The following WLS variants were observed in gnomAD, a reference collection of about 807,000 sequenced individuals.
WLS encodes the protein Wnt ligand secretion mediator.
A neutral mutation model predicts 62.8 loss-of-function variants in WLS; 23 were observed. That is an observed-to-expected ratio of 0.37 (90% confidence interval 0.26 to 0.52). WLS has a LOEUF of 0.52. Among genes scored for constraint, WLS ranks in the 20% least tolerant of loss-of-function variants. The pLI is 0.92. For missense variants in WLS, 615 were observed against 697.3 expected, an observed-to-expected ratio of 0.88 and a Z score of 1.33; for synonymous variants, 246 against 244.1, an observed-to-expected ratio of 1.01 and a Z score of -0.07.
chr1:68,163,593 C>A (rs1310071605), intron 2 of WLS, among the ~76,000 whole-genome samples: 2 of 150,938 alleles, frequency 1.3e-5, no homozygotes, highest in African/African-American at 4.9e-5. Flanking sequence ...CTCCGCTACC[C>A]CGCTCTCCCC....
At chr1:68,217,059 T>C (rs2100655175) in intron 1 of WLS, among the ~76,000 whole-genome samples, 1 of 152,324 alleles carries the variant, frequency 6.6e-6, no homozygotes, top group South Asian at 2.1e-4. Context: ...AGTTCTTAAA[T>C]GCCCTTCTTT....
chr1:68,103,241 T>C (rs1458109065), intron 11 of WLS, among the ~76,000 whole-genome samples: 3 of 152,224 alleles, frequency 2.0e-5, no homozygotes, highest in Non-Finnish European at 4.4e-5. Context: ...GGGGATATGT[T>C]TAATCTGTAA....
intron 4 of WLS, 68 bp downstream of exon 4, chr1:68,155,031 T>C (rs1646876843): frequency 2.0e-6 from 3 of 1,525,406 alleles, no homozygotes; most frequent in South Asian, 1.2e-5. Flanking sequence ...AGGTGAGGCA[T>C]AGAGGTGCCA....
intron 2 of WLS, among the ~76,000 whole-genome samples, chr1:68,164,262 AT>A (rs3053539): frequency 1.6e-3 from 233 of 148,054 alleles, no homozygotes; most frequent in Middle Eastern, 3.4e-3. Context: ...AAGAGATTTC[AT>A]TTTTTTTTTT....
chr1:68,110,300 C>G (rs1217880823), intron 11 of WLS, among the ~76,000 whole-genome samples: 1 of 151,808 alleles, frequency 6.6e-6, no homozygotes, highest in Non-Finnish European at 1.5e-5. Context: ...TACTTTATGT[C>G]TATACATTGG....
Position 68,193,416 on chromosome 1 carries a change from AAAAAAAAAAAAAAAAAAAAAAAAAAACG to A in WLS, c.379+511_379+538del, listed in dbSNP as rs1329998278. Among the ~76,000 whole-genome samples, 54 of 112,654 alleles carry A rather than the reference AAAAAAAAAAAAAAAAAAAAAAAAAAACG, an allele frequency of 4.8e-4. 1 individual carries two copies. Among genetic ancestry groups the A allele is most frequent in the African/African-American group, 2.2e-3 (51 of 22,960 alleles). 73.9% of individuals were successfully genotyped at this position (112,654 alleles called of 152,430 possible). On this transcript the variant is annotated intron_variant, in intron 2 of 11. Coordinates refer to ENST00000262348, the MANE Select transcript of WLS (RefSeq NM_024911.7). ...AATAAGCTAAAAAAAAAAAAAAAAAAAAAAAAAAAAAAAAAAAAAAAAAAAACGAAAAAAAAACCTGGTTTGGTGGGGA... is the reference window on the plus strand; with the variant it reads ...AATAAGCTAAAAAAAAAAAAAAAAAAAAAAAAAAACCTGGTTTGGTGGGGA...
chr1:68,107,618 CTG>C (rs781425270), intron 11 of WLS, among the ~76,000 whole-genome samples: 2 of 152,110 alleles, frequency 1.3e-5, no homozygotes, highest in Non-Finnish European at 2.9e-5. Context: ...GTACCTCACT[CTG>C]AGAGAGAAGG....
chr1:68,154,957 A>T (rs1040535377), intron 4 of WLS, 142 bp downstream of exon 4: 12 of 927,438 alleles, frequency 1.3e-5, no homozygotes. Context: ...TCTCACACAA[A>T]TTAGTTCACT....
Position 68,146,762 on chromosome 1 carries a change from C to T in WLS, c.1135-750G>A, listed in dbSNP as rs554529245. 1.2e-4 allele frequency among the ~76,000 whole-genome samples: 18 copies of T among 152,212 alleles called. No individual in the cohort carries two copies. The East Asian group carries it at 3.1e-3, about 26-fold the overall frequency. ...GGGTTGCTGCCAGTATACTTGAGAC[C>T]CACTAGGGAGACTGACCTGCCAATT... On this transcript the variant is annotated intron_variant, in intron 8 of 11. Coordinates refer to ENST00000262348, the MANE Select transcript of WLS (RefSeq NM_024911.7).
chr1:68,114,813 A>G (rs1337723416), intron 11 of WLS, among the ~76,000 whole-genome samples: 1 of 152,234 alleles, frequency 6.6e-6, no homozygotes, highest in African/African-American at 2.4e-5. Context: ...TCCTTCTGGA[A>G]TAGGGTAAAG....
At chr1:68,144,774 T>A in intron 9 of WLS, 122 bp from the exon 10 acceptor site, 1 of 742,740 alleles carries the variant, frequency 1.3e-6, no homozygotes, top group Non-Finnish European at 2.1e-6. Flanking sequence ...AGAATGACAG[T>A]AAAATAGTTT....
intron 1 of WLS, 122 bp from the exon 2 acceptor site, chr1:68,194,349 C>A: frequency 5.5e-6 from 7 of 1,276,168 alleles, no homozygotes; most frequent in Non-Finnish European, 7.4e-6. Flanking sequence ...AAGTGGGGCT[C>A]AGCAATACTT....
Position 68,137,941 on chromosome 1 carries a change from G to T in WLS, c.1363-8C>A, listed in dbSNP as rs1287283750. The T allele has an allele frequency of 2.5e-6, 4 of 1,613,578 alleles. No individual in the cohort carries two copies. In the East Asian group the frequency reaches 8.9e-5, roughly 36 times the overall value. On this transcript the variant is annotated splice_region_variant and splice_polypyrimidine_tract_variant and intron_variant, in intron 10 of 11. Transcript: ENST00000262348. ...CCAATGGCCTTCCGTTACCTGCGGA[G>T]AAAGGATGGTGATATTCAATTGAAA...
intron 11 of WLS, among the ~76,000 whole-genome samples, chr1:68,128,824 G>A (rs1259628721): frequency 1.3e-5 from 2 of 152,250 alleles, no homozygotes; most frequent in African/African-American, 2.4e-5. Context: ...CCATTCTGCC[G>A]ATGAAGAAAC....
In WLS at chr1:68,152,530, G is replaced by A. The variant is rs760226512; in HGVS notation, c.803+987C>T. ...ACTGATCAATTATGTCAGATGCTGG[G>A]ATGAATAAAAAAAAAGTGAGGAACA... is the stretch of plus-strand genomic sequence containing the variant. On this transcript the variant is annotated intron_variant, in intron 5 of 11. Coordinates refer to ENST00000262348, the MANE Select transcript of WLS (RefSeq NM_024911.7). 2.0e-5 allele frequency among the ~76,000 whole-genome samples: 3 copies of A among 152,224 alleles called. 1 individual carries two copies. Among genetic ancestry groups the A allele is most frequent in the Admixed American group, 1.3e-4 (2 of 15,294 alleles).
At chr1:68,110,690 T>TCTCTCTCTCC (rs1464112398) in intron 11 of WLS, among the ~76,000 whole-genome samples, 1 of 149,252 alleles carries the variant, frequency 6.7e-6, no homozygotes, top group African/African-American at 2.5e-5. Flanking sequence ...TCTCTCTCTC[T>TCTCTCTCTCC]CCATATATAT....
chr1:68,153,607 T>C lies in WLS; in HGVS notation c.713A>G (p.Lys238Arg). 1 of 1,614,222 alleles carries C rather than the reference T, an allele frequency of 6.2e-7. No homozygotes were observed. The highest frequency in any genetic ancestry group is 8.5e-7 in the Non-Finnish European group (1 of 1,180,040). ...GAAGATGCTGGGCGTAAGGAAGGTC[T>C]TCATGGCAAACCACACCTTGGTGAA... is the stretch of plus-strand genomic sequence containing the variant. Reference protein sequence around the residue: ...GGFTKVWFAMKTFLTPSIFII... With the variant: ...GGFTKVWFAMRTFLTPSIFII... Residue 238 changes from lysine (K) to arginine (R), a missense_variant, in exon 5 of 12, where the codon AAG becomes AGG. Coordinates refer to ENST00000262348, the MANE Select transcript of WLS (RefSeq NM_024911.7).
chr1:68,129,152 T>G (rs757194379), intron 11 of WLS, among the ~76,000 whole-genome samples: 1 of 152,082 alleles, frequency 6.6e-6, no homozygotes, highest in Non-Finnish European at 1.5e-5. Context: ...GGCAAAACCC[T>G]GTCTCTACTA....
At chr1:68,189,362 A>G (rs557488470) in intron 2 of WLS, among the ~76,000 whole-genome samples, 84 of 152,370 alleles carry the variant, frequency 5.5e-4, no homozygotes, top group African/African-American at 1.9e-3. Flanking sequence ...GCTAAGATCT[A>G]CAATAAGAAT....
Sources: allele counts gnomAD v4.1 joint callset (sites outside exome capture counted in the v4.1 genomes callset), GRCh38; gene constraint gnomAD v4.1.1; transcripts MANE v1.5; gene names NCBI Gene and HGNC (gene_info 2026-07-23, HGNC 2026-07-21).